Variants in RBFOX1 observed in about 807,000 individuals in gnomAD.
RBFOX1 encodes the protein RNA binding protein fox-1 homolog 1.
In RBFOX1, 8 loss-of-function variants were observed where a neutral mutation model predicts 57.7. That is an observed-to-expected ratio of 0.14 (90% CI 0.08 to 0.25). The LOEUF is 0.25. RBFOX1 is among the 10% of genes least tolerant of loss of function. The pLI is 1.00. For missense variants in RBFOX1, 611 were observed against 548.5 expected (o/e 1.11, Z -1.14); for synonymous variants, 326 against 222.4 (o/e 1.47, Z -4.15).
chr16:7,048,068 G>C (rs954936052), intron 3 of RBFOX1, among the ~76,000 whole-genome samples: 5 of 151,886 alleles, frequency 3.3e-5, no homozygotes, highest in Admixed American at 1.3e-4. Context: ...TAGTAGAGAA[G>C]GGGTTTCACC....
intron 3 of RBFOX1, among the ~76,000 whole-genome samples, chr16:6,828,731 T>C (rs893756382): frequency 1.3e-5 from 2 of 151,996 alleles, no homozygotes; most frequent in East Asian, 1.9e-4. Context: ...TGACTTACCA[T>C]GTTAATGAGC....
At chr16:6,002,574 G>A (rs2060620601) in intron 4 of RBFOX1, among the ~76,000 whole-genome samples, 1 of 152,214 alleles carries the variant, frequency 6.6e-6, no homozygotes, top group Non-Finnish European at 1.5e-5. Flanking sequence ...CCATAATTGA[G>A]AGAAGAGAAC....
chr16:5,557,216 C>T (rs1048483643), intron 2 of RBFOX1, among the ~76,000 whole-genome samples: 15 of 151,706 alleles, frequency 9.9e-5, no homozygotes, highest in Admixed American at 2.6e-4. Flanking sequence ...GCCGGGATTG[C>T]GCCACTGCAC....
In RBFOX1 at chr16:7,033,918, A is replaced by C. The variant is rs371383936; in HGVS notation, c.-15-18139A>C. On this transcript the variant is annotated intron_variant, in intron 3 of 15. Coordinates refer to ENST00000550418, the MANE Select transcript of RBFOX1 (RefSeq NM_018723.4). ...TGGGAAGTTCAAGCTGCAGTGAGCT[A>C]TGATTGCACTGCTGCATTTCAGGCT... Among the ~76,000 whole-genome samples the C allele has an allele frequency of 2.4e-4, 37 of 152,308 alleles. 1 individual carries two copies. The South Asian group carries it at 7.7e-3, about 32-fold the overall frequency.
At chr16:6,222,566 G>A (rs1316959836) in intron 1 of RBFOX1, among the ~76,000 whole-genome samples, 1 of 151,690 alleles carries the variant, frequency 6.6e-6, no homozygotes, top group African/African-American at 2.4e-5. Flanking sequence ...CCTAACTTTA[G>A]TGCACATAAC....
chr16:7,521,192 A>T (rs552854556), intron 5 of RBFOX1, among the ~76,000 whole-genome samples: 2 of 152,330 alleles, frequency 1.3e-5, no homozygotes, highest in South Asian at 4.1e-4. Context: ...GAGGTCTTAA[A>T]GTTGGAAAGA....
chr16:6,421,916 C>A, intron 2 of RBFOX1, among the ~76,000 whole-genome samples: 1 of 148,380 alleles, frequency 6.7e-6, no homozygotes, highest in African/African-American at 2.6e-5. Context: ...GTTTAGGGAC[C>A]AGACCTTTTT....
chr16:7,296,999 G>A (rs2095907111), intron 4 of RBFOX1, among the ~76,000 whole-genome samples: 1 of 152,144 alleles, frequency 6.6e-6, no homozygotes, highest in Non-Finnish European at 1.5e-5. Flanking sequence ...CTCATGTCAG[G>A]GGAAGAGCTG....
intron 14 of RBFOX1, among the ~76,000 whole-genome samples, chr16:7,694,564 C>G (rs2078197350): frequency 6.6e-6 from 1 of 152,186 alleles, no homozygotes; most frequent in Non-Finnish European, 1.5e-5. Context: ...ATGGTATACT[C>G]TTTCTATAAA....
intron 2 of RBFOX1, among the ~76,000 whole-genome samples, chr16:5,518,176 T>C (rs1167830763): frequency 6.6e-6 from 1 of 152,148 alleles, no homozygotes; most frequent in East Asian, 1.9e-4. Flanking sequence ...AAAATCCAAA[T>C]TAGAAACATT....
chr16:7,347,929 C>G lies in RBFOX1; in HGVS notation c.28-170218C>G, dbSNP rs143039462. Among the ~76,000 whole-genome samples, 7 of 152,294 alleles carry G rather than the reference C, an allele frequency of 4.6e-5. No individual in the cohort carries two copies. The East Asian group carries it at 7.7e-4, about 17-fold the overall frequency. On this transcript the variant is annotated intron_variant, in intron 4 of 15. Coordinates refer to ENST00000550418, the MANE Select transcript of RBFOX1 (RefSeq NM_018723.4). Reference sequence around the variant, plus strand: ...AGTGCACCCTATCCTGTGGCTGACACTCATTCATGCTAGTGCCTTCCATGC... The same window carrying G: ...AGTGCACCCTATCCTGTGGCTGACAGTCATTCATGCTAGTGCCTTCCATGC...
intron 2 of RBFOX1, among the ~76,000 whole-genome samples, chr16:6,635,475 A>G (rs2098424019): frequency 6.6e-6 from 1 of 152,264 alleles, no homozygotes; most frequent in South Asian, 2.1e-4. Context: ...AAGTGATAAC[A>G]GGTTTGGTAA....
At chr16:5,591,884 G>A (rs976168433) in intron 2 of RBFOX1, among the ~76,000 whole-genome samples, 4 of 152,140 alleles carry the variant, frequency 2.6e-5, no homozygotes, top group Admixed American at 6.5e-5. Flanking sequence ...GCAGACACTC[G>A]AAAAATGGAA....
At chr16:5,352,129 T>G (rs2065275173) in intron 1 of RBFOX1, among the ~76,000 whole-genome samples, 1 of 151,996 alleles carries the variant, frequency 6.6e-6, no homozygotes, top group Non-Finnish European at 1.5e-5. Context: ...ATTTTTGTAC[T>G]TTTCCCCAGT....
At chr16:5,880,000 G>A (rs564830917) in intron 4 of RBFOX1, among the ~76,000 whole-genome samples, 11 of 152,330 alleles carry the variant, frequency 7.2e-5, no homozygotes, top group Non-Finnish European at 1.5e-4. Flanking sequence ...AGGAGCACAT[G>A]GATATTCTCT....
intron 4 of RBFOX1, among the ~76,000 whole-genome samples, chr16:7,180,538 G>A (rs57059049): frequency 0.032 from 4,898 of 152,158 alleles, 264 homozygotes; most frequent in African/African-American, 0.11. Context: ...ATTGGGTAGT[G>A]CTTTATGGGC....
chr16:7,312,337 G>A (rs992207315), intron 4 of RBFOX1, among the ~76,000 whole-genome samples: 3 of 152,192 alleles, frequency 2.0e-5, no homozygotes, highest in East Asian at 3.9e-4. Flanking sequence ...CCGAGATCGC[G>A]GCGTTGCACT....
Position 7,126,271 on chromosome 16 carries a change from C to T in RBFOX1, c.27+74173C>T, listed in dbSNP as rs553365903. On this transcript the variant is annotated intron_variant, in intron 4 of 15. Coordinates refer to ENST00000550418, the MANE Select transcript of RBFOX1 (RefSeq NM_018723.4). Reference sequence around the variant, plus strand: ...TTTTCTCCAGAGTATCGTGTGTCTTCAGTCTTGAAGGACTCAGCTCCTTAC... The same window carrying T: ...TTTTCTCCAGAGTATCGTGTGTCTTTAGTCTTGAAGGACTCAGCTCCTTAC... 1,287 of 301,154 alleles carry T rather than the reference C, an allele frequency of 4.3e-3. 6 individuals are homozygous for T. Among genetic ancestry groups the T allele is most frequent in the Non-Finnish European group, 7.2e-3 (1,122 of 155,844 alleles). 18.7% of individuals were successfully genotyped at this position (301,154 alleles called of 1,614,324 possible).
At chr16:6,044,602 G>A (rs959497394) in intron 1 of RBFOX1, among the ~76,000 whole-genome samples, 1 of 152,164 alleles carries the variant, frequency 6.6e-6, no homozygotes, top group Non-Finnish European at 1.5e-5. Context: ...CTTTGATTAA[G>A]GTGTGAAATT....
Sources: allele counts gnomAD v4.1 joint callset (sites outside exome capture counted in the v4.1 genomes callset), GRCh38; gene constraint gnomAD v4.1.1; transcripts MANE v1.5; gene names NCBI Gene and HGNC (gene_info 2026-07-23, HGNC 2026-07-21).